Variants in SLC9A7 observed in about 807,000 individuals in gnomAD.
SLC9A7 encodes solute carrier family 9 member A7, also known as sodium/hydrogen exchanger 7.
A neutral mutation model predicts 52.6 loss-of-function variants in SLC9A7; 19 were observed. That is an observed-to-expected ratio of 0.36 (90% confidence interval 0.25 to 0.53). SLC9A7 has a LOEUF of 0.53. Ranked by LOEUF, SLC9A7 falls within the 20% of genes least tolerant of loss-of-function variation. SLC9A7 has a pLI of 0.91. For synonymous variants in SLC9A7, 226 were observed against 252.1 expected (o/e 0.90, Z 0.98); for missense variants, 455 against 597.9 (o/e 0.76, Z 2.49).
intron 11 of SLC9A7, among the ~76,000 whole-genome samples, chrX:46,647,938 T>C (rs1347411484): frequency 8.9e-6 from 1 of 112,583 alleles, no homozygotes; most frequent in Non-Finnish European, 1.9e-5. Flanking sequence ...CCCTCTGTTC[T>C]GCAGAAATGC....
chrX:46,666,674 A>G (rs1356523997), intron 5 of SLC9A7, among the ~76,000 whole-genome samples: 1 of 112,156 alleles, frequency 8.9e-6, no homozygotes, highest in African/African-American at 3.2e-5. Context: ...GCATAGACAC[A>G]TTAAAGGGAA....
chrX:46,613,028 C>G lies in SLC9A7; in HGVS notation c.1929+261G>C, dbSNP rs994913899. Among the ~76,000 whole-genome samples the G allele has an allele frequency of 3.8e-4, 41 of 106,844 alleles. 1 individual carries two copies. Among genetic ancestry groups the G allele is most frequent in the African/African-American group, 1.3e-3 (38 of 29,738 alleles). The allele number at this position is 106,844 out of a possible 115,157, so 92.8% of individuals were successfully genotyped here. A position where few individuals can be genotyped will look rare whatever the true frequency, so the allele number is the denominator to read the frequency against. ...GGCCTGTCAGGGGTTGCATTCCAAT[C>G]CAGTGGCTCTGATTCCAAATCCAGT... On this transcript the variant is annotated intron_variant, in intron 16 of 16. Transcript: ENST00000616978.
At chrX:46,608,803 GC>G (rs1473641067) in intron 16 of SLC9A7, among the ~76,000 whole-genome samples, 2 of 110,858 alleles carry the variant, frequency 1.8e-5, no homozygotes, top group Non-Finnish European at 3.8e-5. Flanking sequence ...CCACCATCAT[GC>G]CCAGCTAATT....
intron 14 of SLC9A7, among the ~76,000 whole-genome samples, chrX:46,622,073 G>T (rs894571465): frequency 1.8e-5 from 2 of 111,934 alleles, no homozygotes; most frequent in African/African-American, 6.5e-5. Flanking sequence ...GAGAAGGAGA[G>T]AAATTAGCAA....
intron 11 of SLC9A7, chrX:46,646,520 G>C (rs1943494550): frequency 5.3e-6 from 1 of 187,821 alleles, no homozygotes; most frequent in Admixed American, 6.1e-5. Context: ...AGTGTGACAT[G>C]TGTAGTGGGG....
intron 1 of SLC9A7, among the ~76,000 whole-genome samples, chrX:46,752,048 C>T (rs967380974): frequency 1.8e-5 from 2 of 111,890 alleles, no homozygotes; most frequent in African/African-American, 6.5e-5. Flanking sequence ...TCAAAACATA[C>T]AGAAAAGTTG....
At position 46,662,382 on chromosome X, in the gene SLC9A7, C is replaced by A. The variant is rs2235314; in HGVS notation, c.899+156G>T. 0.011 allele frequency among the ~76,000 whole-genome samples: 1,274 copies of A among 111,625 alleles called. 49 individuals are homozygous for A. In the East Asian group the frequency reaches 0.17, roughly 15 times the overall value. On this transcript the variant is annotated intron_variant, in intron 6 of 16. Coordinates refer to ENST00000616978, the MANE Select transcript of SLC9A7 (RefSeq NM_001257291.2). ...TCAGCATTCTGATTGCTGCTGGGCA[C>A]ACAAAGCAACGTAATTTTATCCACA... is the stretch of plus-strand genomic sequence containing the variant.
In SLC9A7 at chrX:46,758,789, G is replaced by A; in HGVS notation, c.241C>T (p.Leu81Phe). 1 of 1,204,887 alleles carries A rather than the reference G, an allele frequency of 8.3e-7. No individual in the cohort carries two copies. The highest frequency in any genetic ancestry group is 1.1e-6 in the Non-Finnish European group (1 of 892,113). Residue 81 changes from leucine to phenylalanine, a missense_variant, in exon 1 of 17, where the codon CTC (leucine) becomes TTC (phenylalanine). Leu to Phe is a conservative substitution (Grantham distance 22, BLOSUM62 0). This residue lies in a region of SLC9A7 where 304 missense variants were observed against 417.8 expected (regional missense o/e 0.73). Coordinates refer to ENST00000616978, the MANE Select transcript of SLC9A7 (RefSeq NM_001257291.2). ...SVSLLTFILL[L>F]TLTILTIWLF... ...CAGATGGTGAGGATGGTGAGCGTGA[G>A]CAGCAGGATGAAGGTGAGCAGGCTC... is the stretch of plus-strand genomic sequence containing the variant.
chrX:46,727,139 G>A (rs1944958147), intron 1 of SLC9A7, among the ~76,000 whole-genome samples: 1 of 111,447 alleles, frequency 9.0e-6, no homozygotes, highest in African/African-American at 3.3e-5. Flanking sequence ...GCCCCAAAAG[G>A]GCAATCAAGG....
At chrX:46,738,968 T>C (rs1206089910) in intron 1 of SLC9A7, among the ~76,000 whole-genome samples, 2 of 111,374 alleles carry the variant, frequency 1.8e-5, no homozygotes, top group Non-Finnish European at 3.8e-5. Context: ...AAGATTAATG[T>C]GTATATTAAA....
intron 1 of SLC9A7, among the ~76,000 whole-genome samples, chrX:46,684,346 A>G (rs1411912003): frequency 9.0e-6 from 1 of 110,732 alleles, no homozygotes; most frequent in East Asian, 2.8e-4. Context: ...CTGGGACTAC[A>G]GGCATGCGCT....
intron 1 of SLC9A7, among the ~76,000 whole-genome samples, chrX:46,700,955 A>G (rs1944522150): frequency 9.0e-6 from 1 of 111,403 alleles, no homozygotes; most frequent in African/African-American, 3.3e-5. Flanking sequence ...AGCTTTTTTG[A>G]TCTTCCAAAG....
intron 5 of SLC9A7, among the ~76,000 whole-genome samples, chrX:46,663,671 A>G (rs1422370507): frequency 9.7e-6 from 1 of 103,450 alleles, no homozygotes; most frequent in African/African-American, 3.5e-5. Context: ...AAAGAAAGAA[A>G]AAAAAAGGGC....
intron 16 of SLC9A7, among the ~76,000 whole-genome samples, chrX:46,608,115 G>T (rs1014875677): frequency 8.9e-6 from 1 of 112,376 alleles, no homozygotes; most frequent in African/African-American, 3.2e-5. Context: ...CAGGGCCCCC[G>T]CGCAGTCACA....
intron 7 of SLC9A7, among the ~76,000 whole-genome samples, chrX:46,660,072 T>G (rs374870129): frequency 3.7e-4 from 40 of 108,044 alleles, no homozygotes; most frequent in Admixed American, 1.2e-3. Context: ...GCCGCATATC[T>G]ACAACTATCT....
chrX:46,716,055 G>T (rs1311762956), intron 1 of SLC9A7, among the ~76,000 whole-genome samples: 1 of 111,424 alleles, frequency 9.0e-6, no homozygotes, highest in Non-Finnish European at 1.9e-5. Flanking sequence ...GACAGCCCCT[G>T]ACTTATAATA....
At chrX:46,729,560 G>A (rs1436776246) in intron 1 of SLC9A7, among the ~76,000 whole-genome samples, 2 of 111,122 alleles carry the variant, frequency 1.8e-5, no homozygotes, top group Non-Finnish European at 3.8e-5. Flanking sequence ...GATCACCTGA[G>A]GTCAAGAGTT....
At chrX:46,632,348 A>G (rs1943235152) in intron 13 of SLC9A7, among the ~76,000 whole-genome samples, 1 of 111,905 alleles carries the variant, frequency 8.9e-6, no homozygotes, top group Admixed American at 9.4e-5. Context: ...TTCCATGTCC[A>G]TCTCAGCATA....
chrX:46,639,760 T>A, intron 12 of SLC9A7, among the ~76,000 whole-genome samples: 1 of 101,400 alleles, frequency 9.9e-6, no homozygotes, highest in Admixed American at 1.1e-4. Context: ...CATGATGGTC[T>A]ATATGGTCTA....
Sources: gnomAD v4.1 joint callset for allele counts (sites outside exome capture counted in the v4.1 genomes callset) on GRCh38, gnomAD v4.1.1 for gene constraint, gnomAD v4.1.1 regional missense constraint, MANE v1.5 for transcripts, NCBI Gene and HGNC (gene_info 2026-07-23, HGNC 2026-07-21) for gene names.